The following ZNF320 variants were observed in gnomAD, a reference collection of about 807,000 sequenced individuals.
The protein encoded by ZNF320 is zinc finger gene 320.
Under a neutral mutation model 6.8 loss-of-function variants are expected in ZNF320, and 2 were observed. That is an observed-to-expected ratio of 0.29 (90% CI 0.12 to 0.93). The LOEUF is 0.93. ZNF320 is among the 40% of genes least tolerant of loss of function. ZNF320 has a pLI of 0.55. For missense variants in ZNF320, 472 were observed against 611.0 expected (o/e 0.77, Z 2.40); for synonymous variants, 208 against 203.2 (o/e 1.02, Z -0.20).
At chr19:52,899,215 C>G (rs529235437), upstream of ZNF320, among the ~76,000 whole-genome samples, 7 of 152,290 alleles carry the variant, frequency 4.6e-5, no homozygotes, top group East Asian at 1.2e-3. Flanking sequence ...ACTATTATAA[C>G]TCTTATTATA....
chr19:52,901,935 A>G (rs1248057832), upstream of ZNF320, among the ~76,000 whole-genome samples: 1 of 151,852 alleles, frequency 6.6e-6, no homozygotes, highest in Non-Finnish European at 1.5e-5. Flanking sequence ...TCTTTCTGAC[A>G]CATAGAGTGC....
chr19:52,872,662 C>T (rs1397062880), downstream of ZNF320, among the ~76,000 whole-genome samples: 3 of 152,104 alleles, frequency 2.0e-5, no homozygotes, highest in Non-Finnish European at 2.9e-5. Flanking sequence ...CCACCGGGCC[C>T]GGCTAATTTT....
At chr19:52,861,315 GT>G (rs1449614220) in exon 6 of ZNF320, among the ~76,000 whole-genome samples, 1 of 152,142 alleles carries the variant, frequency 6.6e-6, no homozygotes, top group African/African-American at 2.4e-5. Context: ...GAGGTGAGAC[GT>G]TTGTACCTTG....
rs199736368 is a variant in ZNF320, at chr19:52,865,432, C to CTTTT, written c.224-1274_224-1273insAAAA. 250 of 113,030 alleles carry CTTTT rather than the reference C, an allele frequency of 2.2e-3. 10 individuals are homozygous for CTTTT. The highest frequency in any genetic ancestry group is 3.9e-3 in the Middle Eastern group (1 of 256). The allele number at this position is 113,030 out of a possible 1,614,324, so 7.0% of individuals were successfully genotyped here. A position where few individuals can be genotyped will look rare whatever the true frequency, so the allele number is the denominator to read the frequency against. ...TAAAGCGTTCTGTGCAGGGTCCAGG[C>CTTTT]TTTATATATATATATATATGTAATA... is the stretch of plus-strand genomic sequence containing the variant. On this transcript the variant is annotated intron_variant, in intron 5 of 5. Coordinates refer to the ZNF320 transcript ENST00000673631.
At chr19:52,868,801 C>T (rs1259714400) in intron 5 of ZNF320, among the ~76,000 whole-genome samples, 1 of 152,188 alleles carries the variant, frequency 6.6e-6, no homozygotes, top group Admixed American at 6.6e-5. Context: ...AGCTGCGCTG[C>T]TGACAGTGGT....
downstream of ZNF320, among the ~76,000 whole-genome samples, chr19:52,872,660 C>A (rs28650907): frequency 4.8e-3 from 727 of 152,278 alleles, 7 homozygotes; most frequent in African/African-American, 0.016. Flanking sequence ...CACCACCGGG[C>A]CCGGCTAATT....
chr19:52,891,453 G>A (rs903482493), intron 2 of ZNF320, 107 bp from the exon 3 acceptor site: 15 of 152,738 alleles, frequency 9.8e-5, no homozygotes, highest in Admixed American at 6.5e-4. Context: ...GATGGGGGTG[G>A]GAGGGCATGG....
Position 52,878,632 on chromosome 19 carries a change from C to T in ZNF320, c.*1964G>A, listed in dbSNP as rs1363487899. The stretch of plus-strand genomic sequence containing the variant: ...CTGGTGATTTATTTTGGGAATCGTC[C>T]CCATAACCTTTTCATAAAGCATCAA... On this transcript the variant is annotated 3_prime_UTR_variant, in exon 6 of 6. Coordinates refer to ENST00000682928, the MANE Select transcript of ZNF320 (RefSeq NM_001351774.2). 1.3e-5 allele frequency: 2 copies of T among 152,012 alleles called. No homozygotes were observed. The highest frequency in any genetic ancestry group is 3.9e-4 in the East Asian group (2 of 5,184). 9.4% of individuals were successfully genotyped at this position (152,012 alleles called of 1,614,324 possible).
At chr19:52,900,233 G>A (rs986421075), upstream of ZNF320, among the ~76,000 whole-genome samples, 1 of 152,166 alleles carries the variant, frequency 6.6e-6, no homozygotes, top group Non-Finnish European at 1.5e-5. Flanking sequence ...ATTTCTTTTT[G>A]TGTAACTGGA....
intron 5 of ZNF320, among the ~76,000 whole-genome samples, chr19:52,887,018 C>G (rs2052863): frequency 0.29 from 27,335 of 94,622 alleles, 2,966 homozygotes; most frequent in South Asian, 0.39. Flanking sequence ...AAAGAAAAAA[C>G]AAAACAAAAG....
chr19:52,892,412 A>C (rs2064324199), intron 2 of ZNF320: 1 of 152,286 alleles, frequency 6.6e-6, no homozygotes, highest in Non-Finnish European at 1.5e-5. Context: ...ATAGGGAAAG[A>C]GGGTCAGCTG....
chr19:52,865,622 TTTATA>T lies in ZNF320; in HGVS notation c.224-1468_224-1464del, dbSNP rs1266842794. Among the ~76,000 whole-genome samples the T allele has an allele frequency of 8.3e-5, 7 of 83,898 alleles. 1 individual carries two copies. Among genetic ancestry groups the T allele is most frequent in the African/African-American group, 3.3e-4 (7 of 21,082 alleles). The allele number at this position is 83,898 out of a possible 152,430, so 55.0% of individuals were successfully genotyped here. A position where few individuals can be genotyped will look rare whatever the true frequency, so the allele number is the denominator to read the frequency against. On this transcript the variant is annotated intron_variant, in intron 5 of 5. Transcript: ENST00000673631. Reference sequence around the variant, plus strand: ...TTATATATGAGATTATACATATATATTTATATATGATTATACATATATATTTATAT... The same window carrying T: ...TTATATATGAGATTATACATATATATTATGATTATACATATATATTTATAT...
At chr19:52,863,757 G>C (rs551710029) in exon 6 of ZNF320, 1 of 169,306 alleles carries the variant, frequency 5.9e-6, no homozygotes, top group African/African-American at 2.4e-5. Context: ...AACAATGCCA[G>C]GTGCGGTGGC....
rs1267503645 is a variant in ZNF320, at chr19:52,865,462, T to TATATATATTACATATATATATAATAC, written c.224-1329_224-1304dup. The TATATATATTACATATATATATAATAC allele has an allele frequency of 7.3e-4, 32 of 43,652 alleles. No homozygotes were observed. In the East Asian group the frequency reaches 0.011, roughly 15 times the overall value. The allele number at this position is 43,652 out of a possible 1,614,324, so 2.7% of individuals were successfully genotyped here. On this transcript the variant is annotated intron_variant, in intron 5 of 5. Transcript: ENST00000673631. ...TATATATATATATATGTAATACATA[T>TATATATATTACATATATATATAATAC]ATATATATTACATATATATATAATA... is the stretch of plus-strand genomic sequence containing the variant.
rs1399644493 is a variant in ZNF320, at chr19:52,890,171, T to G, written c.15+70A>C. The G allele has an allele frequency of 8.2e-6, 13 of 1,588,404 alleles. No individual in the cohort carries two copies. The Admixed American group carries it at 2.1e-4, about 25-fold the overall frequency. Reference sequence around the variant, plus strand: ...CAGGATGCTTCAGACTAAGAGAAGATTCCCAACTCCAGGCGCCAGCATTTC... The same window carrying G: ...CAGGATGCTTCAGACTAAGAGAAGAGTCCCAACTCCAGGCGCCAGCATTTC... On this transcript the variant is annotated intron_variant, in intron 4 of 5. Coordinates refer to ENST00000682928, the MANE Select transcript of ZNF320 (RefSeq NM_001351774.2).
At chr19:52,899,160 A>G (rs775629996), upstream of ZNF320, among the ~76,000 whole-genome samples, 1 of 152,216 alleles carries the variant, frequency 6.6e-6, no homozygotes, top group Non-Finnish European at 1.5e-5. Context: ...TATCATTTGA[A>G]GAGGTACAGG....
intron 3 of ZNF320, among the ~76,000 whole-genome samples, chr19:52,890,922 G>A (rs755909605): frequency 5.3e-5 from 8 of 152,150 alleles, no homozygotes; most frequent in Admixed American, 4.6e-4. Context: ...AGGCCGAGGT[G>A]GGTGGATTAC....
intron 1 of ZNF320, among the ~76,000 whole-genome samples, chr19:52,897,025 A>G (rs1438889425): frequency 6.6e-6 from 1 of 152,210 alleles, no homozygotes; most frequent in Non-Finnish European, 1.5e-5. Flanking sequence ...CTTCATCCAG[A>G]TAAGGGGTAG....
chr19:52,865,180 G>T lies in ZNF320; in HGVS notation c.224-1021C>A, dbSNP rs2063520833. Among the ~76,000 whole-genome samples, 2 of 151,638 alleles carry T rather than the reference G, an allele frequency of 1.3e-5. 1 individual carries two copies. The highest frequency in any genetic ancestry group is 4.1e-4 in the South Asian group (2 of 4,820). ...CTACTAAAAATACAAAAATGAGCTGGGTGTGGTCGTGGGCACCTGTAATCC... is the reference window on the plus strand; with the variant it reads ...CTACTAAAAATACAAAAATGAGCTGTGTGTGGTCGTGGGCACCTGTAATCC... On this transcript the variant is annotated intron_variant, in intron 5 of 5. Transcript: ENST00000673631.
Sources: allele counts gnomAD v4.1 joint callset (sites outside exome capture counted in the v4.1 genomes callset), GRCh38; gene constraint gnomAD v4.1.1; transcripts MANE v1.5; gene names NCBI Gene and HGNC (gene_info 2026-07-23, HGNC 2026-07-21).